The following NFIB variants were observed in gnomAD, a reference collection of about 807,000 sequenced individuals.
The protein encoded by NFIB is nuclear factor 1 B-type.
In NFIB, 11 loss-of-function variants were observed where a neutral mutation model predicts 61.5. That is an observed-to-expected ratio of 0.18 (90% confidence interval 0.11 to 0.30). NFIB has a LOEUF of 0.30. NFIB is among the 10% of genes least tolerant of loss of function. The pLI is 1.00. For synonymous variants in NFIB, 260 were observed against 216.5 expected (o/e 1.20, Z -1.76); for missense variants, 471 against 608.9 (o/e 0.77, Z 2.38).
chr9:14,221,193 C>G (rs1386199792), intron 2 of NFIB, among the ~76,000 whole-genome samples: 3 of 152,150 alleles, frequency 2.0e-5, no homozygotes, highest in Non-Finnish European at 2.9e-5. Flanking sequence ...AAGTAAAAGC[C>G]TTCTCCAGCT....
intron 2 of NFIB, among the ~76,000 whole-genome samples, chr9:14,211,084 G>A (rs1371486596): frequency 1.3e-5 from 2 of 152,138 alleles, no homozygotes; most frequent in Middle Eastern, 3.2e-3. Flanking sequence ...TTACATACAT[G>A]TATTTGTACA....
chr9:14,491,792 A>C, the NFIB span, among the ~76,000 whole-genome samples: 1 of 152,132 alleles, frequency 6.6e-6, no homozygotes, highest in South Asian at 2.1e-4. Context: ...TGTGGCTTCT[A>C]TTTGCCCTAC....
At chr9:14,126,625 TGAA>T (rs1020580929) in intron 6 of NFIB, among the ~76,000 whole-genome samples, 178 of 152,210 alleles carry the variant, frequency 1.2e-3, no homozygotes, top group African/African-American at 4.0e-3. Flanking sequence ...TGGTGAAAGA[TGAA>T]GAAGAGGAGC....
At chr9:14,433,087 C>A in the NFIB span, among the ~76,000 whole-genome samples, 2 of 152,098 alleles carry the variant, frequency 1.3e-5, no homozygotes, top group African/African-American at 4.8e-5. Context: ...TTATTTAAAA[C>A]ATAGTGGGGT....
chr9:14,501,772 A>G, the NFIB span, among the ~76,000 whole-genome samples: 2 of 152,216 alleles, frequency 1.3e-5, no homozygotes, highest in South Asian at 2.1e-4. Context: ...CACGGAGGGC[A>G]CTACGCCCAG....
intron 2 of NFIB, among the ~76,000 whole-genome samples, chr9:14,257,147 T>A (rs1587967114): frequency 6.6e-6 from 1 of 152,338 alleles, no homozygotes; most frequent in South Asian, 2.1e-4. Context: ...TAACCTTGGT[T>A]AAGTTGGTTA....
At chr9:14,511,442 C>T in the NFIB span, among the ~76,000 whole-genome samples, 1 of 151,934 alleles carries the variant, frequency 6.6e-6, no homozygotes, top group Non-Finnish European at 1.5e-5. Flanking sequence ...TTTTCATAAT[C>T]ATAATGGCAA....
the NFIB span, among the ~76,000 whole-genome samples, chr9:14,438,467 T>C: frequency 6.6e-6 from 1 of 152,344 alleles, no homozygotes; most frequent in African/African-American, 2.4e-5. Context: ...GTTTACATTT[T>C]CGAGAGTAAA....
intron 2 of NFIB, among the ~76,000 whole-genome samples, chr9:14,234,573 T>C (rs1468258591): frequency 2.0e-5 from 3 of 152,072 alleles, no homozygotes; most frequent in African/African-American, 7.2e-5. Context: ...TTTCACCATA[T>C]TGACCAGGCT....
intron 2 of NFIB, among the ~76,000 whole-genome samples, chr9:14,280,943 C>T (rs574888930): frequency 6.6e-6 from 1 of 152,062 alleles, no homozygotes; most frequent in African/African-American, 2.4e-5. Context: ...ATTCATTAAA[C>T]TACAATACTT....
chr9:14,102,637 GA>G (rs56666602), intron 10 of NFIB: 9,505 of 409,474 alleles, frequency 0.023, no homozygotes, highest in East Asian at 0.029. Context: ...GCAACTTAAA[GA>G]AAAAAAAAAA....
intron 2 of NFIB, among the ~76,000 whole-genome samples, chr9:14,289,112 G>A (rs10961463): frequency 4.1e-4 from 59 of 143,832 alleles, no homozygotes; most frequent in African/African-American, 1.4e-3. Flanking sequence ...GTGTATGTGT[G>A]TGTGTATATG....
At chr9:14,518,136 G>A in the NFIB span, among the ~76,000 whole-genome samples, 1 of 152,164 alleles carries the variant, frequency 6.6e-6, no homozygotes, top group Non-Finnish European at 1.5e-5. Flanking sequence ...AAACGTTTGG[G>A]TCTATATGCC....
intron 3 of NFIB, among the ~76,000 whole-genome samples, chr9:14,164,605 T>C (rs2044573886): frequency 6.6e-6 from 1 of 152,052 alleles, no homozygotes; most frequent in African/African-American, 2.4e-5. Flanking sequence ...ACCATAGAAA[T>C]CAAATACATT....
At chr9:14,482,879 C>A in the NFIB span, among the ~76,000 whole-genome samples, 1 of 152,136 alleles carries the variant, frequency 6.6e-6, no homozygotes, top group East Asian at 1.9e-4. Context: ...TTTGTAACTG[C>A]TCAAAATAAA....
At chr9:14,113,103 C>G in intron 9 of NFIB, 22 bp from the exon 10 acceptor site, 2 of 1,542,954 alleles carry the variant, frequency 1.3e-6, no homozygotes, top group East Asian at 2.5e-5. Context: ...AGAACAAAAA[C>G]AAAGATAAAA....
intron 3 of NFIB, among the ~76,000 whole-genome samples, chr9:14,160,831 CAAAAAAAAAA>C (rs36063048): frequency 5.2e-5 from 5 of 96,336 alleles, no homozygotes; most frequent in African/African-American, 2.1e-4. Flanking sequence ...AAGGAAATCT[CAAAAAAAAAA>C]AAAAAAAAAA....
At chr9:14,329,766 G>C (rs2060798926) in intron 1 of NFIB, among the ~76,000 whole-genome samples, 1 of 151,476 alleles carries the variant, frequency 6.6e-6, no homozygotes, top group Non-Finnish European at 1.5e-5. Context: ...ACCCGCCTCA[G>C]CCTCCCAAAG....
the NFIB span, among the ~76,000 whole-genome samples, chr9:14,443,698 G>A: frequency 6.6e-6 from 1 of 152,070 alleles, no homozygotes; most frequent in Non-Finnish European, 1.5e-5. Context: ...ATTTTTGCCT[G>A]TGGTCTCACC....
Sources: gnomAD v4.1 joint callset for allele counts (sites outside exome capture counted in the v4.1 genomes callset) on GRCh38, gnomAD v4.1.1 for gene constraint, MANE v1.5 for transcripts, NCBI Gene and HGNC (gene_info 2026-07-23, HGNC 2026-07-21) for gene names.